The following ALKBH5 variants were observed in gnomAD, a reference collection of about 807,000 sequenced individuals.
The protein encoded by ALKBH5 is alkB homolog 5, RNA demethylase.
In ALKBH5, 2 loss-of-function variants were observed where a neutral mutation model predicts 32.1. The observed-to-expected ratio is 0.06, with a 90% CI of 0.03 to 0.20. ALKBH5 has a LOEUF of 0.20. Ranked by LOEUF, ALKBH5 falls within the 10% of genes least tolerant of loss-of-function variation. The pLI, the probability that ALKBH5 is intolerant of heterozygous loss-of-function variation, is 1.00. For synonymous variants in ALKBH5, 300 were observed against 231.7 expected, an observed-to-expected ratio of 1.29 and a Z score of -2.68; for missense variants, 352 against 559.5, an observed-to-expected ratio of 0.63 and a Z score of 3.74.
At chr17:18,200,180 G>C (rs1382843811) in intron 2 of ALKBH5, among the ~76,000 whole-genome samples, 1 of 151,518 alleles carries the variant, frequency 6.6e-6, no homozygotes, top group African/African-American at 2.4e-5. Context: ...GGTAGATCTG[G>C]CCCCTGAGCT....
At chr17:18,193,249 T>TATAAA (rs1491161441) in intron 1 of ALKBH5, among the ~76,000 whole-genome samples, 3 of 148,690 alleles carry the variant, frequency 2.0e-5, no homozygotes, top group Non-Finnish European at 4.5e-5. Flanking sequence ...AAGGTGGATC[T>TATAAA]ATAAAATAAA....
chr17:18,202,721 G>C (rs1223777813), intron 2 of ALKBH5, among the ~76,000 whole-genome samples: 1 of 151,902 alleles, frequency 6.6e-6, no homozygotes, highest in East Asian at 1.9e-4. Flanking sequence ...GCTGCCACCT[G>C]CATGCACAGT....
Position 18,184,232 on chromosome 17 carries a change from G to A in ALKBH5, c.-12G>A. On this transcript the variant is annotated 5_prime_UTR_variant, in exon 1 of 4. Coordinates refer to ENST00000399138, the MANE Select transcript of ALKBH5 (RefSeq NM_017758.4). Reference sequence around the variant, plus strand: ...CCGCCCCGGAGGACCCTAGAGCAGCGTCGTGGGGGCCATGGCGGCCGCCAG... The same window carrying A: ...CCGCCCCGGAGGACCCTAGAGCAGCATCGTGGGGGCCATGGCGGCCGCCAG... 1 of 1,505,142 alleles carries A rather than the reference G, an allele frequency of 6.6e-7. No individual in the cohort carries two copies. Among genetic ancestry groups the A allele is most frequent in the Non-Finnish European group, 8.8e-7 (1 of 1,133,890 alleles). 93.2% of individuals were successfully genotyped at this position (1,505,142 alleles called of 1,614,324 possible). A position where few individuals can be genotyped will look rare whatever the true frequency, so the allele number is the denominator to read the frequency against.
In ALKBH5 at chr17:18,208,309, C is replaced by G. The variant is rs912403946; in HGVS notation, c.1098C>G (p.Asn366Lys). Reference sequence around the variant, plus strand: ...GGAGGGGTAGCTTCAGCTCTGAGAACTACTGGCGCAAGTCATACGAGTCCT... The same window carrying G: ...GGAGGGGTAGCTTCAGCTCTGAGAAGTACTGGCGCAAGTCATACGAGTCCT... ...HRRRGSFSSE[N>K]YWRKSYESSE... is the part of the protein sequence containing the mutation. The change falls in exon 4 of 4, where the codon AAC becomes AAG. Residue 366 changes from asparagine to lysine, a missense_variant. Physicochemically the swap from Asn to Lys is moderately conservative, Grantham distance 94. Coordinates refer to ENST00000399138, the MANE Select transcript of ALKBH5 (RefSeq NM_017758.4). 3 of 1,614,164 alleles carry G rather than the reference C, an allele frequency of 1.9e-6. No individual in the cohort carries two copies. The highest frequency in any genetic ancestry group is 1.1e-5 in the South Asian group (1 of 91,084).
intron 2 of ALKBH5, among the ~76,000 whole-genome samples, chr17:18,202,811 C>T (rs2047249517): frequency 6.6e-6 from 1 of 151,876 alleles, no homozygotes; most frequent in African/African-American, 2.4e-5. Context: ...CACGATGGCT[C>T]ACGCCTGTAA....
chr17:18,201,794 A>AGATAGAT (rs1491101824), intron 2 of ALKBH5, among the ~76,000 whole-genome samples: 3 of 134,516 alleles, frequency 2.2e-5, no homozygotes, highest in African/African-American at 5.4e-5. Context: ...TAGGATAGAT[A>AGATAGAT]AGATAGATAG....
chr17:18,205,432 T>C (rs998617460), intron 2 of ALKBH5, among the ~76,000 whole-genome samples: 1 of 152,222 alleles, frequency 6.6e-6, no homozygotes, highest in African/African-American at 2.4e-5. Context: ...GGGATGGGGA[T>C]GCCTGTCCTA....
At position 18,206,967 on chromosome 17, in the gene ALKBH5, A is replaced by C; in HGVS notation, c.1004A>C (p.His335Pro). ...SHRKADPDAA[H>P]RPRILEMDKE... ...CGCAAGGCAGACCCTGATGCTGCCC[A>C]CAGGTACTCAGTTTAGGACCCTCAG... Residue 335 changes from histidine (H) to proline (P), a missense_variant, in exon 3 of 4, where the codon CAC becomes CCC. Around this residue, in one of 4 missense-constraint regions of ALKBH5, gnomAD observed 124 missense variants for 142.4 expected, o/e 0.87. Transcript: ENST00000399138. The C allele has an allele frequency of 6.2e-7, 1 of 1,614,170 alleles. No homozygotes were observed. The highest frequency in any genetic ancestry group is 8.5e-7 in the Non-Finnish European group (1 of 1,179,992).
intron 1 of ALKBH5, among the ~76,000 whole-genome samples, chr17:18,194,637 C>T (rs1597838423): frequency 6.6e-6 from 1 of 152,182 alleles, no homozygotes; most frequent in Admixed American, 6.5e-5. Context: ...GGAGGAGCTA[C>T]AGTGTACTCT....
intron 2 of ALKBH5, chr17:18,206,550 C>A: frequency 2.8e-6 from 1 of 361,644 alleles, no homozygotes; most frequent in Non-Finnish European, 5.1e-6. Flanking sequence ...TGGGATCTTG[C>A]CCCTAGGGTA....
intron 2 of ALKBH5, among the ~76,000 whole-genome samples, chr17:18,203,116 A>G (rs112052846): frequency 5.1e-4 from 77 of 151,048 alleles, no homozygotes; most frequent in African/African-American, 1.8e-3. Context: ...ACAAGGTCTT[A>G]CTTTGTTGCC....
chr17:18,187,700 T>C (rs2047147853), intron 1 of ALKBH5, among the ~76,000 whole-genome samples: 1 of 152,178 alleles, frequency 6.6e-6, no homozygotes, highest in South Asian at 2.1e-4. Context: ...CTATTAGTAG[T>C]GCCCGTCGTC....
Position 18,208,872 on chromosome 17 carries a change from G to A in ALKBH5, c.*476G>A. ...GTTGAGGTCTCCTGGAGCCTCACAG[G>A]CTCTGCTGTTCTCCACTTCTCACCT... is the stretch of plus-strand genomic sequence containing the variant. On this transcript the variant is annotated 3_prime_UTR_variant, in exon 4 of 4. Coordinates refer to ENST00000399138, the MANE Select transcript of ALKBH5 (RefSeq NM_017758.4). 3.8e-6 allele frequency: 1 copy of A among 262,034 alleles called. No individual in the cohort carries two copies. Among genetic ancestry groups the A allele is most frequent in the South Asian group, 3.7e-5 (1 of 26,992 alleles). 16.2% of individuals were successfully genotyped at this position (262,034 alleles called of 1,614,324 possible). A position where few individuals can be genotyped will look rare whatever the true frequency, so the allele number is the denominator to read the frequency against.
At chr17:18,186,302 T>C (rs1183073627) in intron 1 of ALKBH5, among the ~76,000 whole-genome samples, 1 of 152,218 alleles carries the variant, frequency 6.6e-6, no homozygotes, top group Non-Finnish European at 1.5e-5. Flanking sequence ...CAGATCTTCA[T>C]GGCGCTCCTA....
In ALKBH5 at chr17:18,208,094, A is replaced by G. The variant is rs1327835004; in HGVS notation, c.1008-125A>G. On this transcript the variant is annotated intron_variant, in intron 3 of 3. Coordinates refer to ENST00000399138, the MANE Select transcript of ALKBH5 (RefSeq NM_017758.4). Reference sequence around the variant, plus strand: ...CTCCGATACCAGGGCCTCTGCCAGGACTACCCTTCGTTGAGGACCACTGAG... The same window carrying G: ...CTCCGATACCAGGGCCTCTGCCAGGGCTACCCTTCGTTGAGGACCACTGAG... 8 of 1,016,830 alleles carry G rather than the reference A, an allele frequency of 7.9e-6. No homozygotes were observed. The East Asian group carries it at 1.5e-4, about 19-fold the overall frequency. 63.0% of individuals were successfully genotyped at this position (1,016,830 alleles called of 1,614,324 possible). A position where few individuals can be genotyped will look rare whatever the true frequency, so the allele number is the denominator to read the frequency against.
intron 2 of ALKBH5, among the ~76,000 whole-genome samples, chr17:18,196,547 G>C (rs1468866301): frequency 6.6e-6 from 1 of 152,068 alleles, no homozygotes; most frequent in Admixed American, 6.6e-5. Context: ...ATATTGACTG[G>C]TTAGGTATTG....
intron 1 of ALKBH5, among the ~76,000 whole-genome samples, chr17:18,189,929 AT>A (rs1159005511): frequency 3.9e-5 from 6 of 152,212 alleles, no homozygotes; most frequent in Non-Finnish European, 8.8e-5. Flanking sequence ...AAGTTAGGCC[AT>A]GGGTCGTCTT....
chr17:18,186,341 A>T (rs1222032804), intron 1 of ALKBH5, among the ~76,000 whole-genome samples: 1 of 152,168 alleles, frequency 6.6e-6, no homozygotes, highest in African/African-American at 2.4e-5. Context: ...ATGCTTTAAG[A>T]TGGGATTTCC....
chr17:18,195,060 C>G, intron 2 of ALKBH5, 25 bp downstream of exon 2: 2 of 1,599,676 alleles, frequency 1.3e-6, no homozygotes, highest in Non-Finnish European at 1.7e-6. Context: ...GTCTGACCTT[C>G]TGCCTCACCT....
Sources: allele counts gnomAD v4.1 joint callset (sites outside exome capture counted in the v4.1 genomes callset), GRCh38; gene constraint gnomAD v4.1.1; regional missense constraint gnomAD v4.1.1; transcripts MANE v1.5; gene names NCBI Gene and HGNC (gene_info 2026-07-23, HGNC 2026-07-21).